The following PTGIR variants were observed in gnomAD, a reference collection of about 807,000 sequenced individuals.
PTGIR encodes prostacyclin receptor.
PTGIR carries 16 observed loss-of-function variants against 17.6 expected under a neutral mutation model. That is an observed-to-expected ratio of 0.91 (90% CI 0.61 to 1.38). The LOEUF is 1.38. Among genes scored for constraint, PTGIR ranks in the 40% most tolerant of loss-of-function variants. The probability of loss-of-function intolerance (pLI) is 0.00; values close to 1 mark genes in which losing one functional copy is unlikely to be tolerated. For synonymous variants in PTGIR, 274 were observed against 255.4 expected (o/e 1.07, Z -0.69); for missense variants, 532 against 548.6 (o/e 0.97, Z 0.30).
the PTGIR span, among the ~76,000 whole-genome samples, chr19:46,611,551 T>G: frequency 2.6e-5 from 4 of 152,146 alleles, no homozygotes; most frequent in African/African-American, 9.7e-5. Context: ...CACTATGCGG[T>G]CACAGCCAAA....
At position 46,621,382 on chromosome 19, in the gene PTGIR, G is replaced by A. The variant is rs776648826; in HGVS notation, c.1059C>T (p.Gly353=). 7.6e-6 allele frequency: 12 copies of A among 1,583,260 alleles called. No individual in the cohort carries two copies. The highest frequency in any genetic ancestry group is 3.4e-6 in the Non-Finnish European group (4 of 1,162,298). Reference sequence around the variant, plus strand: ...GAGGCAAGGGCTCCACCTGCCCCTCGCCCCAAGCCGACAAAGGCACGCAGC... The same window carrying A: ...GAGGCAAGGGCTCCACCTGCCCCTCACCCCAAGCCGACAAAGGCACGCAGC... The part of the protein sequence containing the change: ...EGSCVPLSAW[G]EGQVEPLPPT... The change falls in exon 3 of 3, where the codon GGC becomes GGT. Residue 353 remains glycine, a synonymous_variant. Coordinates refer to ENST00000291294, the MANE Select transcript of PTGIR (RefSeq NM_000960.4). The surrounding 1 kb of genome is among the most constrained non-coding windows in gnomAD (Gnocchi z 4.8).
intron 2 of PTGIR, chr19:46,622,408 G>A (rs765759110): frequency 9.1e-6 from 9 of 985,090 alleles, no homozygotes; most frequent in Non-Finnish European, 1.1e-5. Flanking sequence ...GGGAGAGAAC[G>A]TTCTCTTGGT....
At chr19:46,622,499 G>A (rs1037414042) in intron 2 of PTGIR, 47 of 707,408 alleles carry the variant, frequency 6.6e-5, no homozygotes, top group Non-Finnish European at 7.5e-5. Flanking sequence ...CACTAAGCAC[G>A]GGGCGGGCAT....
downstream of PTGIR, among the ~76,000 whole-genome samples, chr19:46,616,907 C>T (rs1843377290): frequency 6.6e-6 from 1 of 152,270 alleles, no homozygotes; most frequent in Admixed American, 6.5e-5. Flanking sequence ...GACACACGTC[C>T]TTGCCATGGC....
downstream of PTGIR, among the ~76,000 whole-genome samples, chr19:46,619,497 A>AAAAGAAAG (rs1176986063): frequency 1.6e-3 from 172 of 110,526 alleles, no homozygotes; most frequent in Middle Eastern, 4.0e-3. Context: ...TCTGTCTCAA[A>AAAAGAAAG]AAAGAAAGAA....
At chr19:46,618,969 C>T (rs997255455), downstream of PTGIR, among the ~76,000 whole-genome samples, 2 of 152,212 alleles carry the variant, frequency 1.3e-5, no homozygotes, top group African/African-American at 2.4e-5. Context: ...CAATGGCAAT[C>T]ATAGTGACAT....
At chr19:46,619,385 C>T (rs74909062), downstream of PTGIR, among the ~76,000 whole-genome samples, 28 of 151,706 alleles carry the variant, frequency 1.8e-4, no homozygotes, top group African/African-American at 6.3e-4. Context: ...ATCCCAGCTA[C>T]TCGGGAGGCT....
chr19:46,623,765 G>A lies in PTGIR; in HGVS notation c.461C>T (p.Pro154Leu). 1.2e-6 allele frequency: 2 copies of A among 1,603,760 alleles called. No individual in the cohort carries two copies. The highest frequency in any genetic ancestry group is 1.7e-6 in the Non-Finnish European group (2 of 1,177,556). ...CTGGTGTTGGCCCAGGCCCAGCAGG[G>A]GCAGCGCGCAGAAGAGGACGCAGAA... Reference protein sequence around the residue: ...YAFCVLFCALPLLGLGQHQQY... With the variant: ...YAFCVLFCALLLLGLGQHQQY... The change falls in exon 2 of 3, where the codon CCC becomes CTC. Residue 154 changes from proline (P) to leucine (L), a missense_variant. Pro to Leu is a moderately conservative substitution (Grantham distance 98, BLOSUM62 -3). Coordinates refer to ENST00000291294, the MANE Select transcript of PTGIR (RefSeq NM_000960.4).
At chr19:46,619,585 A>G (rs1274010476), downstream of PTGIR, among the ~76,000 whole-genome samples, 2,115 of 125,312 alleles carry the variant, frequency 0.017, 21 homozygotes, top group Non-Finnish European at 0.025. Flanking sequence ...GAGAGAGAGA[A>G]AGAAAGAAAA....
chr19:46,622,495 G>A, intron 2 of PTGIR: 2 of 739,686 alleles, frequency 2.7e-6, no homozygotes, highest in Non-Finnish European at 3.3e-6. Context: ...AAGCCACTAA[G>A]CACGGGGCGG....
At chr19:46,619,581 G>GAAAGAAAGAAA (rs1331912148), downstream of PTGIR, among the ~76,000 whole-genome samples, 3 of 86,960 alleles carry the variant, frequency 3.4e-5, no homozygotes, top group African/African-American at 5.2e-5. Flanking sequence ...GAGAGAGAGA[G>GAAAGAAAGAAA]AGAAAGAAAG....
At chr19:46,624,348 C>A in intron 1 of PTGIR, 111 bp from the exon 2 acceptor site, 1 of 1,018,664 alleles carries the variant, frequency 9.8e-7, no homozygotes, top group Non-Finnish European at 1.3e-6. Context: ...GCCTCCCAGC[C>A]AACCCCCAGT....
chr19:46,621,422 A>G lies in PTGIR; in HGVS notation c.1019T>C (p.Val340Ala), dbSNP rs756838819. 6.2e-6 allele frequency: 10 copies of G among 1,610,474 alleles called. No individual in the cohort carries two copies. The highest frequency in any genetic ancestry group is 7.6e-6 in the Non-Finnish European group (9 of 1,177,344). ...AGGCACGCAGCTCCCCTCCTTTCCC[A>G]CAGGAGCAGAGGGGGCCCTTGGGTC... Reference protein sequence around the residue: ...RRDPRAPSAPVGKEGSCVPLS... With the variant: ...RRDPRAPSAPAGKEGSCVPLS... The change falls in exon 3 of 3, where the codon GTG becomes GCG. Residue 340 changes from valine (V) to alanine (A), a missense_variant. Physicochemically the swap from Val to Ala is moderately conservative, Grantham distance 64. Coordinates refer to ENST00000291294, the MANE Select transcript of PTGIR (RefSeq NM_000960.4). The surrounding 1 kb of genome is among the most constrained non-coding windows in gnomAD (Gnocchi z 4.8).
downstream of PTGIR, among the ~76,000 whole-genome samples, chr19:46,616,548 G>A (rs1347733753): frequency 1.3e-5 from 2 of 151,748 alleles, no homozygotes; most frequent in Non-Finnish European, 2.9e-5. Flanking sequence ...TGGCCAGGTT[G>A]GTCTCAAACT....
At chr19:46,614,460 A>G in the PTGIR span, 1 of 983,852 alleles carries the variant, frequency 1.0e-6, no homozygotes, top group African/African-American at 1.7e-5. Flanking sequence ...CGTAAAATGA[A>G]TCAAGTCCCC....
downstream of PTGIR, among the ~76,000 whole-genome samples, chr19:46,618,068 G>A (rs1246014091): frequency 2.8e-5 from 4 of 143,374 alleles, no homozygotes; most frequent in African/African-American, 8.1e-5. Context: ...AGGCTGGAGC[G>A]CTGTGGCGTG....
the PTGIR span, among the ~76,000 whole-genome samples, chr19:46,613,711 G>A: frequency 1.3e-5 from 2 of 152,194 alleles, no homozygotes; most frequent in Admixed American, 1.3e-4. Context: ...ACCCGCTCAA[G>A]GTGTGCGGAC....
chr19:46,623,980 C>T lies in PTGIR; in HGVS notation c.246G>A (p.Leu82=), dbSNP rs1323354768. The change falls in exon 2 of 3, where the codon CTG becomes CTA. Residue 82 remains leucine (L), a synonymous_variant. Transcript: ENST00000291294. The part of the protein sequence containing the change: ...FVAYARNSSL[L]GLARGGPALC... ...GGGCGGGGCCGCCTCGGGCCAGGCC[C>T]AGCAGGGAGCTGTTGCGCGCATAGG... 3 of 1,567,456 alleles carry T rather than the reference C, an allele frequency of 1.9e-6. No homozygotes were observed. In the African/African-American group the frequency reaches 4.1e-5, roughly 21 times the overall value.
downstream of PTGIR, among the ~76,000 whole-genome samples, chr19:46,619,547 A>AAGAAAGAGAG (rs775594524): frequency 6.0e-4 from 53 of 87,886 alleles, no homozygotes; most frequent in African/African-American, 2.0e-3. Context: ...GAAAGAAAGA[A>AAGAAAGAGAG]AGAGAGAGAG....
Sources: allele counts gnomAD v4.1 joint callset (sites outside exome capture counted in the v4.1 genomes callset), GRCh38; gene constraint gnomAD v4.1.1; non-coding constraint Gnocchi (gnomAD v3.1); transcripts MANE v1.5; gene names NCBI Gene and HGNC (gene_info 2026-07-23, HGNC 2026-07-21).